WDR43: variants seen among roughly 807,000 people sequenced by gnomAD.
The protein encoded by WDR43 is WD repeat domain 43, also known as WD repeat-containing protein 43.
A neutral mutation model predicts 91.4 loss-of-function variants in WDR43; 13 were observed. That is an observed-to-expected ratio of 0.14 (90% confidence interval 0.09 to 0.23). WDR43 has a LOEUF of 0.23. Among genes scored for constraint, WDR43 ranks in the 10% least tolerant of loss-of-function variants. WDR43 has a pLI of 1.00. For synonymous variants in WDR43, 331 were observed against 287.9 expected, an observed-to-expected ratio of 1.15 and a Z score of -1.51; for missense variants, 780 against 809.4, an observed-to-expected ratio of 0.96 and a Z score of 0.44.
At chr2:28,924,304 G>A (rs1458476417) in intron 7 of WDR43, among the ~76,000 whole-genome samples, 6 of 152,202 alleles carry the variant, frequency 3.9e-5, no homozygotes, top group Admixed American at 3.3e-4. Context: ...TTTACGAAAT[G>A]TGGATGGTGG....
chr2:28,931,653 ATC>A (rs1285735027), intron 11 of WDR43, among the ~76,000 whole-genome samples: 1 of 136,922 alleles, frequency 7.3e-6, no homozygotes, highest in Non-Finnish European at 1.6e-5. Flanking sequence ...TCGGTTTAAA[ATC>A]TTTTTTTTTT....
chr2:28,896,919 C>T (rs1398737671), intron 1 of WDR43, among the ~76,000 whole-genome samples: 3 of 152,110 alleles, frequency 2.0e-5, no homozygotes, highest in African/African-American at 4.8e-5. Context: ...TGCACTGTCT[C>T]CTTTTAACCA....
rs1221881410 is a variant in WDR43 at position 28,947,046 on chromosome 2, A to G, written c.*267A>G. On this transcript the variant is annotated 3_prime_UTR_variant, in exon 18 of 18. Coordinates refer to ENST00000407426, the MANE Select transcript of WDR43 (RefSeq NM_015131.3). ...AGTGTCCAATATATGGTATATTTTT[A>G]TAATATAATATCCTAGTATGATTGG... is the stretch of plus-strand genomic sequence containing the variant. 3 of 264,558 alleles carry G rather than the reference A, an allele frequency of 1.1e-5. No homozygotes were observed. Among genetic ancestry groups the G allele is most frequent in the Non-Finnish European group, 1.4e-5 (2 of 140,964 alleles). 16.4% of individuals were successfully genotyped at this position (264,558 alleles called of 1,614,324 possible).
At position 28,946,737 on chromosome 2, in the gene WDR43, A is replaced by C; in HGVS notation, c.1992A>C (p.Gly664=). ...CAGCAAGTGAAAAAGAATTAAATGG[A>C]GATTCTGATTTAGATCCTGAAAATG... ...RDTASEKELN[G]DSDLDPENES... The change falls in exon 18 of 18, where the codon GGA becomes GGC. Residue 664 remains glycine (G), a synonymous_variant. Coordinates refer to ENST00000407426, the MANE Select transcript of WDR43 (RefSeq NM_015131.3). 6.3e-7 allele frequency: 1 copy of C among 1,587,146 alleles called. No homozygotes were observed. The highest frequency in any genetic ancestry group is 8.6e-7 in the Non-Finnish European group (1 of 1,166,774).
chr2:28,905,262 T>C (rs1440571549), intron 2 of WDR43, among the ~76,000 whole-genome samples: 1 of 149,194 alleles, frequency 6.7e-6, no homozygotes, highest in Admixed American at 6.7e-5. Context: ...AATGAAATGC[T>C]TGCAGTGTGG....
At position 28,897,266 on chromosome 2, in the gene WDR43, A is replaced by G. The variant is rs115524180; in HGVS notation, c.225+2343A>G. On this transcript the variant is annotated intron_variant, in intron 1 of 17. Transcript: ENST00000407426. ...TATTATGGTATAAAATTAAAAAGTCATATGTACTGTAACAAGATATCTTAG... is the reference window on the plus strand; with the variant it reads ...TATTATGGTATAAAATTAAAAAGTCGTATGTACTGTAACAAGATATCTTAG... Among the ~76,000 whole-genome samples, 1,143 of 152,276 alleles carry G rather than the reference A, an allele frequency of 7.5e-3. 17 individuals are homozygous for G. The highest frequency in any genetic ancestry group is 0.026 in the African/African-American group (1,066 of 41,552).
At chr2:28,941,266 C>T (rs540220781) in intron 14 of WDR43, among the ~76,000 whole-genome samples, 195 bp from the exon 15 acceptor site, 4 of 152,200 alleles carry the variant, frequency 2.6e-5, no homozygotes, top group South Asian at 2.1e-4. Flanking sequence ...ATTTTTTCCT[C>T]CTAGGACATT....
chr2:28,907,468 A>G (rs7580918), intron 3 of WDR43, among the ~76,000 whole-genome samples: 47,377 of 118,958 alleles, frequency 0.4, 10,445 homozygotes, highest in Non-Finnish European at 0.45. Flanking sequence ...AAAAAAAAAA[A>G]TTGGGTGTGG....
chr2:28,909,910 G>A (rs1385345069), intron 3 of WDR43, among the ~76,000 whole-genome samples: 1 of 152,178 alleles, frequency 6.6e-6, no homozygotes. Context: ...GGTTGTGAGT[G>A]TGTGACTTTT....
In WDR43 at chr2:28,946,522, A is replaced by G. The variant is rs375454144; in HGVS notation, c.1854+23A>G. 7 of 1,606,438 alleles carry G rather than the reference A, an allele frequency of 4.4e-6. No homozygotes were observed. In the African/African-American group the frequency reaches 5.3e-5, roughly 12 times the overall value. The stretch of plus-strand genomic sequence containing the variant: ...GAAGTGAGTGATTTGTTCCCTGTAT[A>G]TACATCGGCCTTTATATCCTCATAC... On this transcript the variant is annotated intron_variant, in intron 17 of 17. Coordinates refer to ENST00000407426, the MANE Select transcript of WDR43 (RefSeq NM_015131.3).
At chr2:28,911,706 A>G (rs535991009) in intron 3 of WDR43, among the ~76,000 whole-genome samples, 4 of 137,174 alleles carry the variant, frequency 2.9e-5, no homozygotes, top group African/African-American at 1.0e-4. Context: ...ATCTTGGCTC[A>G]TTGCAGTCTC....
chr2:28,926,908 G>A (rs1355012482), intron 9 of WDR43, among the ~76,000 whole-genome samples: 1 of 152,140 alleles, frequency 6.6e-6, no homozygotes, highest in Non-Finnish European at 1.5e-5. Flanking sequence ...TTGCTGAGAG[G>A]AATGCTGTAT....
chr2:28,931,909 C>T (rs1237368824), intron 11 of WDR43, among the ~76,000 whole-genome samples: 1 of 138,358 alleles, frequency 7.2e-6, no homozygotes, highest in South Asian at 2.7e-4. Context: ...GACAGGGTCT[C>T]ACTCTGTCAC....
At chr2:28,916,452 T>A (rs1414177123) in intron 5 of WDR43, among the ~76,000 whole-genome samples, 1 of 152,172 alleles carries the variant, frequency 6.6e-6, no homozygotes, top group Non-Finnish European at 1.5e-5. Flanking sequence ...TTCTAATAGG[T>A]GGGTAGTGGT....
intron 11 of WDR43, among the ~76,000 whole-genome samples, chr2:28,930,687 G>T (rs188193701): frequency 6.6e-6 from 1 of 152,164 alleles, no homozygotes; most frequent in African/African-American, 2.4e-5. Context: ...CCCTCATTGC[G>T]TTCTAATTAT....
chr2:28,900,633 C>T (rs1670561732), intron 1 of WDR43, among the ~76,000 whole-genome samples: 1 of 152,172 alleles, frequency 6.6e-6, no homozygotes, highest in South Asian at 2.1e-4. Flanking sequence ...TCAAAGGTAG[C>T]TTTAGAAATT....
At chr2:28,916,118 A>G (rs1332461073) in intron 5 of WDR43, among the ~76,000 whole-genome samples, 1 of 152,212 alleles carries the variant, frequency 6.6e-6, no homozygotes, top group Non-Finnish European at 1.5e-5. Flanking sequence ...CCCTCACCAC[A>G]AACAAGATAA....
At chr2:28,945,068 AGTATGAT>A (rs367598752) in intron 16 of WDR43, among the ~76,000 whole-genome samples, 1 of 152,360 alleles carries the variant, frequency 6.6e-6, no homozygotes, top group East Asian at 1.9e-4. Flanking sequence ...ATTCATGGGT[AGTATGAT>A]GTATGTGTTA....
chr2:28,917,738 G>A (rs527429522), intron 5 of WDR43, among the ~76,000 whole-genome samples, 155 bp from the exon 6 acceptor site: 5 of 152,174 alleles, frequency 3.3e-5, no homozygotes, highest in Non-Finnish European at 7.3e-5. Context: ...GGATGCTTCC[G>A]TTGTTTTGAT....
Sources: allele counts gnomAD v4.1 joint callset (sites outside exome capture counted in the v4.1 genomes callset), GRCh38; gene constraint gnomAD v4.1.1; transcripts MANE v1.5; gene names NCBI Gene and HGNC (gene_info 2026-07-23, HGNC 2026-07-21).